CCM2L: variants seen among roughly 807,000 people sequenced by gnomAD.
CCM2L encodes the protein cerebral cavernous malformations 2 protein-like.
A neutral mutation model predicts 54.1 loss-of-function variants in CCM2L; 36 were observed. The observed-to-expected ratio is 0.67, with a 90% CI of 0.51 to 0.88. CCM2L has a LOEUF of 0.88. CCM2L is among the 40% of genes least tolerant of loss of function. The probability of loss-of-function intolerance (pLI) is 0.00; values close to 1 mark genes in which losing one functional copy is unlikely to be tolerated. For missense variants in CCM2L, 700 were observed against 812.1 expected, an observed-to-expected ratio of 0.86 and a Z score of 1.68; for synonymous variants, 351 against 359.3, an observed-to-expected ratio of 0.98 and a Z score of 0.26.
intron 1 of CCM2L, among the ~76,000 whole-genome samples, chr20:32,013,669 C>G (rs925330726): frequency 6.6e-6 from 1 of 152,010 alleles, no homozygotes; most frequent in Non-Finnish European, 1.5e-5. Flanking sequence ...AGGCTGGTCT[C>G]AAACTCCTGG....
intron 1 of CCM2L, among the ~76,000 whole-genome samples, chr20:32,013,277 C>T (rs1018632009): frequency 6.6e-6 from 1 of 152,124 alleles, no homozygotes; most frequent in African/African-American, 2.4e-5. Context: ...TCAATCTGGG[C>T]AACAGAGCAA....
chr20:32,013,928 T>G (rs921366888), intron 1 of CCM2L, among the ~76,000 whole-genome samples: 1 of 152,152 alleles, frequency 6.6e-6, no homozygotes, highest in African/African-American at 2.4e-5. Context: ...TGCATTTCTC[T>G]CAGTTCCTAG....
intron 6 of CCM2L, among the ~76,000 whole-genome samples, chr20:32,025,438 T>C (rs1199773203): frequency 6.6e-6 from 1 of 152,064 alleles, no homozygotes. Flanking sequence ...CCAGCTAATT[T>C]TTTTGTTATT....
rs1276597058 is a variant in CCM2L at position 32,010,481 on chromosome 20, G to A, written c.27G>A (p.Lys9=). 1 of 1,436,430 alleles carries A rather than the reference G, an allele frequency of 7.0e-7. No individual in the cohort carries two copies. Among genetic ancestry groups the A allele is most frequent in the East Asian group, 3.1e-5 (1 of 31,818 alleles). 89.0% of individuals were successfully genotyped at this position (1,436,430 alleles called of 1,614,324 possible). A position where few individuals can be genotyped will look rare whatever the true frequency, so the allele number is the denominator to read the frequency against. MEYEVKKG[K]KGFVSPIRRL... ...TGGAATATGAAGTCAAGAAAGGGAAGAAGGTAGGTGGGAGGTTGGGAGGGA... is the reference window on the plus strand; with the variant it reads ...TGGAATATGAAGTCAAGAAAGGGAAAAAGGTAGGTGGGAGGTTGGGAGGGA... The change falls in exon 1 of 10, where the codon AAG becomes AAA. Residue 9 remains lysine (K), a synonymous_variant. Transcript: ENST00000452892.
chr20:32,018,092 C>G lies in CCM2L; in HGVS notation c.396C>G (p.Ile132Met). The change falls in exon 4 of 10, where the codon ATC (isoleucine) becomes ATG (methionine). Residue 132 changes from isoleucine (I) to methionine (M), a missense_variant. By Grantham distance (10) the Ile-to-Met change is conservative. Coordinates refer to ENST00000452892, the MANE Select transcript of CCM2L (RefSeq NM_001365692.1). ...WRDNEELILR[I>M]PTHEIAAASY... is the part of the protein sequence containing the mutation. ...ACAATGAAGAGCTCATTCTGCGAATCCCTACGCACGAGATCGCCGCCGCCT... is the reference window on the plus strand; with the variant it reads ...ACAATGAAGAGCTCATTCTGCGAATGCCTACGCACGAGATCGCCGCCGCCT... The G allele has an allele frequency of 1.9e-6, 3 of 1,612,774 alleles. No homozygotes were observed. The highest frequency in any genetic ancestry group is 2.5e-6 in the Non-Finnish European group (3 of 1,179,856).
intron 1 of CCM2L, among the ~76,000 whole-genome samples, chr20:32,012,743 G>A (rs76632169): frequency 0.017 from 2,535 of 152,282 alleles, 74 homozygotes; most frequent in African/African-American, 0.058. Flanking sequence ...ATAGGATCCA[G>A]GTCTCCACTG....
In CCM2L at chr20:32,029,680, G is replaced by A. The variant is rs535524553; in HGVS notation, c.1264-20G>A. 13 of 1,587,604 alleles carry A rather than the reference G, an allele frequency of 8.2e-6. No homozygotes were observed. The highest frequency in any genetic ancestry group is 5.2e-5 in the Admixed American group (3 of 57,492). Reference sequence around the variant, plus strand: ...GGCGCTGCTTCCTGGGATTGATCTCGAATGGTGTCCCCCACATAGTTGCGG... The same window carrying A: ...GGCGCTGCTTCCTGGGATTGATCTCAAATGGTGTCCCCCACATAGTTGCGG... On this transcript the variant is annotated intron_variant, in intron 8 of 9. Coordinates refer to ENST00000452892, the MANE Select transcript of CCM2L (RefSeq NM_001365692.1).
chr20:32,015,508 T>C (rs975804010), intron 2 of CCM2L, among the ~76,000 whole-genome samples: 1 of 152,178 alleles, frequency 6.6e-6, no homozygotes, highest in African/African-American at 2.4e-5. Flanking sequence ...TACATAATTG[T>C]TTTGAGATAA....
At chr20:32,026,133 C>T (rs184433740) in intron 7 of CCM2L, among the ~76,000 whole-genome samples, 1 of 152,266 alleles carries the variant, frequency 6.6e-6, no homozygotes, top group African/African-American at 2.4e-5. Context: ...GATGTGGGTC[C>T]ACACAGTCCT....
intron 5 of CCM2L, among the ~76,000 whole-genome samples, chr20:32,021,349 C>T (rs1005841851): frequency 1.8e-4 from 27 of 152,232 alleles, no homozygotes; most frequent in Admixed American, 9.2e-4. Context: ...GGCCCAGTGT[C>T]GGCCACATAA....
At chr20:32,025,183 C>T (rs1179484751) in intron 6 of CCM2L, among the ~76,000 whole-genome samples, 2 of 137,838 alleles carry the variant, frequency 1.5e-5, no homozygotes, top group Admixed American at 7.8e-5. Context: ...TTCTTTTTTC[C>T]TTTCCTTTCC....
rs551816002 is a variant in CCM2L at position 32,023,243 on chromosome 20, T to C, written c.1069+448T>C. Among the ~76,000 whole-genome samples the C allele has an allele frequency of 7.2e-5, 11 of 152,362 alleles. No individual in the cohort carries two copies. In the South Asian group the frequency reaches 1.0e-3, roughly 14 times the overall value. The stretch of plus-strand genomic sequence containing the variant: ...CCTCAGCCTCCCAAAGTGCCGGGAT[T>C]ACAGGCGTGAGCCACTGCACCCAGC... On this transcript the variant is annotated intron_variant, in intron 6 of 9. Transcript: ENST00000452892.
In CCM2L at chr20:32,010,634, C is replaced by T. The variant is rs1380176596; in HGVS notation, c.30+150C>T. ...AAGTAACTTCCTTCCCACTCTTGGA[C>T]AGCCAGACAGTCAGGCTCTAAACTC... On this transcript the variant is annotated intron_variant, in intron 1 of 9. Transcript: ENST00000452892. 9.3e-6 allele frequency: 7 copies of T among 749,716 alleles called. No individual in the cohort carries two copies. In the South Asian group the frequency reaches 1.0e-4, roughly 11 times the overall value. 46.4% of individuals were successfully genotyped at this position (749,716 alleles called of 1,614,324 possible). A position where few individuals can be genotyped will look rare whatever the true frequency, so the allele number is the denominator to read the frequency against.
Position 32,015,046 on chromosome 20 carries a change from G to C in CCM2L, c.173G>C (p.Cys58Ser). ...DYLIDPQILL[C>S]DYLEKEVKFL... is the part of the protein sequence containing the mutation. ...CTCATCGACCCCCAGATTCTGCTGT[G>C]TGACTACCTGGAGAAAGAGGTCAAG... is the stretch of plus-strand genomic sequence containing the variant. The change falls in exon 2 of 10, where the codon TGT becomes TCT. Residue 58 changes from cysteine (C) to serine (S), a missense_variant. By Grantham distance (112) the Cys-to-Ser change is moderately radical. Transcript: ENST00000452892. The C allele has an allele frequency of 6.5e-7, 1 of 1,529,586 alleles. No homozygotes were observed. The highest frequency in any genetic ancestry group is 1.7e-4 in the Middle Eastern group (1 of 5,718). The allele number at this position is 1,529,586 out of a possible 1,614,324, so 94.8% of individuals were successfully genotyped here. A position where few individuals can be genotyped will look rare whatever the true frequency, so the allele number is the denominator to read the frequency against.
At chr20:32,013,298 C>A (rs1408720400) in intron 1 of CCM2L, among the ~76,000 whole-genome samples, 1 of 151,994 alleles carries the variant, frequency 6.6e-6, no homozygotes, top group Non-Finnish European at 1.5e-5. Flanking sequence ...CATCCTATCT[C>A]AAAAAAATTA....
rs577049871 is a variant in CCM2L, at chr20:32,030,483, C to T, written c.1403-518C>T. Among the ~76,000 whole-genome samples, 512 of 152,224 alleles carry T rather than the reference C, an allele frequency of 3.4e-3. 2 individuals carry two copies. Among genetic ancestry groups the T allele is most frequent in the Non-Finnish European group, 5.6e-3 (380 of 68,010 alleles). ...AGAACAGGTGCAATTATCTGTTTTA[C>T]AGGTGAGGAAAATGAGGTTCAACAT... On this transcript the variant is annotated intron_variant, in intron 9 of 9. Coordinates refer to ENST00000452892, the MANE Select transcript of CCM2L (RefSeq NM_001365692.1).
intron 5 of CCM2L, 57 bp downstream of exon 5, chr20:32,019,466 C>A: frequency 8.0e-7 from 1 of 1,256,790 alleles, no homozygotes; most frequent in East Asian, 3.1e-5. Flanking sequence ...TGCTTCCCCG[C>A]CCCCACCTTG....
intron 1 of CCM2L, among the ~76,000 whole-genome samples, chr20:32,013,077 T>C (rs2064707399): frequency 6.6e-6 from 1 of 152,126 alleles, no homozygotes. Context: ...GGCAGGAGAA[T>C]CATTTGAGCT....
At chr20:32,017,684 T>A (rs58836667) in intron 2 of CCM2L, 116 bp from the exon 3 acceptor site, 1 of 854,394 alleles carries the variant, frequency 1.2e-6, no homozygotes, top group African/African-American at 1.7e-5. Context: ...ATCAGGTATA[T>A]TAATTCATGT....
Sources: gnomAD v4.1 joint callset for allele counts (sites outside exome capture counted in the v4.1 genomes callset) on GRCh38, gnomAD v4.1.1 for gene constraint, MANE v1.5 for transcripts, NCBI Gene and HGNC (gene_info 2026-07-23, HGNC 2026-07-21) for gene names.